TRIML2: variants seen among roughly 807,000 people sequenced by gnomAD.
TRIML2 encodes the protein tripartite motif family like 2.
In TRIML2, 28 loss-of-function variants were observed where a neutral mutation model predicts 31.2. The observed-to-expected ratio is 0.90, with a 90% CI of 0.66 to 1.23. The LOEUF (loss-of-function observed/expected upper bound fraction) is 1.23. Among genes scored for constraint, TRIML2 ranks in the 50% most tolerant of loss-of-function variants. TRIML2 has a pLI of 0.00. For synonymous variants in TRIML2, 187 were observed against 197.5 expected, an observed-to-expected ratio of 0.95 and a Z score of 0.45; for missense variants, 536 against 528.3, an observed-to-expected ratio of 1.01 and a Z score of -0.14.
At chr4:188,106,294 A>C (rs372578127) in intron 1 of TRIML2, among the ~76,000 whole-genome samples, 1 of 151,676 alleles carries the variant, frequency 6.6e-6, no homozygotes, top group Non-Finnish European at 1.5e-5. Context: ...CTCGTGATCC[A>C]CCCGCCTCGG....
intron 3 of TRIML2, among the ~76,000 whole-genome samples, chr4:188,104,029 G>C (rs564276032): frequency 1.3e-5 from 2 of 152,290 alleles, no homozygotes; most frequent in East Asian, 3.9e-4. Context: ...GCTGAAATTA[G>C]AAGTGAAATA....
chr4:188,099,929 T>C (rs1733697900), intron 4 of TRIML2, among the ~76,000 whole-genome samples: 2 of 148,566 alleles, frequency 1.3e-5, no homozygotes, highest in East Asian at 5.3e-4. Context: ...TCCTTCCAAG[T>C]ATACTTTACA....
At chr4:188,092,815 C>T (rs1481156864) in intron 7 of TRIML2, 1 of 455,710 alleles carries the variant, frequency 2.2e-6, no homozygotes, top group Non-Finnish European at 4.4e-6. Context: ...CAATGAATTC[C>T]TCACACCTGC....
chr4:188,106,841 CTGAGCCGCGGGTGCGG>C (rs1465369925), intron 1 of TRIML2: 1 of 255,746 alleles, frequency 3.9e-6, no homozygotes. Context: ...ACAGGCCGGG[CTGAGCCGCGGGTGCGG>C]TACCACCGGC....
chr4:188,096,983 T>C, intron 7 of TRIML2, 78 bp downstream of exon 7: 1 of 1,115,964 alleles, frequency 9.0e-7, no homozygotes, highest in Non-Finnish European at 1.4e-6. Context: ...TGGAATTTGT[T>C]TTCATTTATG....
chr4:188,103,647 C>T (rs1193781003), intron 3 of TRIML2, among the ~76,000 whole-genome samples: 1 of 152,100 alleles, frequency 6.6e-6, no homozygotes, highest in Non-Finnish European at 1.5e-5. Flanking sequence ...CACTCCATTG[C>T]TTCCTTTCTC....
chr4:188,091,456 AG>A lies in TRIML2; in HGVS notation c.1230del (p.Cys411ValfsTer54). ...FQGALRPVFS[L>X]CIPNGDTSPD... ...GGACTTGTGTCTCCATTTGGGATAC[AG>A]AGGGAAAACACAGGCCTGAGAGCTC... On this transcript the variant is annotated frameshift_variant, in exon 8 of 8. Coordinates refer to ENST00000682553, the MANE Select transcript of TRIML2 (RefSeq NM_173553.4). LOFTEE classifies it low-confidence loss of function (END_TRUNC). 1 of 1,614,210 alleles carries A rather than the reference AG, an allele frequency of 6.2e-7. No individual in the cohort carries two copies. Among genetic ancestry groups the A allele is most frequent in the South Asian group, 1.1e-5 (1 of 91,084 alleles).
chr4:188,099,268 T>C lies in TRIML2; in HGVS notation c.481-93A>G, dbSNP rs372711909. 67 of 1,478,000 alleles carry C rather than the reference T, an allele frequency of 4.5e-5. No homozygotes were observed. In the South Asian group the frequency reaches 6.4e-4, roughly 14 times the overall value. The allele number at this position is 1,478,000 out of a possible 1,614,324, so 91.6% of individuals were successfully genotyped here. A position where few individuals can be genotyped will look rare whatever the true frequency, so the allele number is the denominator to read the frequency against. On this transcript the variant is annotated intron_variant, in intron 4 of 7. Coordinates refer to ENST00000682553, the MANE Select transcript of TRIML2 (RefSeq NM_173553.4). ...CCTATAGATTAATTCAACCATGTTT[T>C]TAAAAACCTGCTTTTCGGTTGGGCG...
At chr4:188,105,652 T>C (rs2111190989) in intron 1 of TRIML2, 62 bp from the exon 2 acceptor site, 1 of 316,226 alleles carries the variant, frequency 3.2e-6, no homozygotes. Context: ...TCAGGTCTTC[T>C]GACAATCTTG....
At chr4:188,096,528 C>CA (rs10607852) in intron 7 of TRIML2, among the ~76,000 whole-genome samples, 2,928 of 39,182 alleles carry the variant, frequency 0.075, 711 homozygotes, top group South Asian at 0.1. Context: ...AACTCTGTCT[C>CA]AAAAAAAAAA....
At position 188,091,346 on chromosome 4, in the gene TRIML2, G is replaced by A. The variant is rs745378252; in HGVS notation, c.*27C>T. The A allele has an allele frequency of 7.6e-6, 12 of 1,585,066 alleles. No individual in the cohort carries two copies. The highest frequency in any genetic ancestry group is 1.7e-4 in the Middle Eastern group (1 of 5,910). On this transcript the variant is annotated 3_prime_UTR_variant, in exon 8 of 8. Coordinates refer to ENST00000682553, the MANE Select transcript of TRIML2 (RefSeq NM_173553.4). ...TTGTTCTCCAACTTTCTGGTGTCTC[G>A]TGGTCTTGGATTTTACACACAGAAG...
At chr4:188,102,055 G>A (rs1579179986) in intron 3 of TRIML2, among the ~76,000 whole-genome samples, 1 of 151,152 alleles carries the variant, frequency 6.6e-6, no homozygotes, top group African/African-American at 2.4e-5. Context: ...GCGTGAACCC[G>A]GGAGGTGGAG....
At chr4:188,102,201 AGAG>A (rs963976137) in intron 3 of TRIML2, among the ~76,000 whole-genome samples, 1 of 151,914 alleles carries the variant, frequency 6.6e-6, no homozygotes, top group African/African-American at 2.4e-5. Context: ...TCTGTCAAAC[AGAG>A]GAGGAGACCA....
At chr4:188,108,628 C>A (rs1283233344) in intron 1 of TRIML2, among the ~76,000 whole-genome samples, 1 of 152,130 alleles carries the variant, frequency 6.6e-6, no homozygotes, top group Non-Finnish European at 1.5e-5. Flanking sequence ...CTCTCTATAG[C>A]TTTCCCCCAT....
At chr4:188,099,287 T>C (rs1392810605) in intron 4 of TRIML2, 112 bp from the exon 5 acceptor site, 2 of 1,371,026 alleles carry the variant, frequency 1.5e-6, no homozygotes, top group African/African-American at 1.5e-5. Flanking sequence ...TGCTTTTCGG[T>C]TGGGCGCAGT....
At chr4:188,103,450 G>A (rs549278878) in intron 3 of TRIML2, among the ~76,000 whole-genome samples, 2 of 152,062 alleles carry the variant, frequency 1.3e-5, no homozygotes, top group South Asian at 2.1e-4. Flanking sequence ...ATGACTGACC[G>A]CCTTCTTCTG....
At chr4:188,100,037 AACTT>A (rs1372323270) in intron 4 of TRIML2, among the ~76,000 whole-genome samples, 2 of 152,160 alleles carry the variant, frequency 1.3e-5, no homozygotes, top group African/African-American at 4.8e-5. Context: ...CTAATCTGAC[AACTT>A]ACTTTATTCT....
intron 5 of TRIML2, chr4:188,098,746 G>C: frequency 2.8e-6 from 1 of 358,056 alleles, no homozygotes; most frequent in Non-Finnish European, 5.1e-6. Flanking sequence ...TATGATCACA[G>C]AATATTTCAT....
At chr4:188,103,222 G>T (rs1489348097) in intron 3 of TRIML2, among the ~76,000 whole-genome samples, 1 of 151,912 alleles carries the variant, frequency 6.6e-6, no homozygotes, top group East Asian at 2.0e-4. Context: ...GGATGGTCTC[G>T]ATCTCCTGAC....
Sources: gnomAD v4.1 joint callset for allele counts (sites outside exome capture counted in the v4.1 genomes callset) on GRCh38, gnomAD v4.1.1 for gene constraint, MANE v1.5 for transcripts, NCBI Gene and HGNC (gene_info 2026-07-23, HGNC 2026-07-21) for gene names.